RAPGEF4: variants seen among roughly 807,000 people sequenced by gnomAD.
RAPGEF4 encodes the protein RAP guanine-nucleotide-exchange factor (GEF) 4.
Under a neutral mutation model 147.9 loss-of-function variants are expected in RAPGEF4, and 66 were observed. That is an observed-to-expected ratio of 0.45 (90% CI 0.37 to 0.55). The LOEUF (loss-of-function observed/expected upper bound fraction) is 0.55. Ranked by LOEUF, RAPGEF4 falls within the 20% of genes least tolerant of loss-of-function variation. RAPGEF4 has a pLI of 0.00. For synonymous variants in RAPGEF4, 419 were observed against 442.7 expected (o/e 0.95, Z 0.67); for missense variants, 1,071 against 1,257.3 (o/e 0.85, Z 2.24).
chr2:172,779,138 G>T (rs949603554), intron 1 of RAPGEF4, among the ~76,000 whole-genome samples: 1 of 152,044 alleles, frequency 6.6e-6, no homozygotes, highest in East Asian at 1.9e-4. Context: ...CATTGTTCTC[G>T]GTACTGGAGA....
At chr2:173,023,661 G>T (rs1696338154) in intron 23 of RAPGEF4, among the ~76,000 whole-genome samples, 1 of 152,230 alleles carries the variant, frequency 6.6e-6, no homozygotes, top group Non-Finnish European at 1.5e-5. Context: ...GGTTGCAGGA[G>T]TGATAGACCA....
At chr2:172,979,630 C>T (rs1691465084) in intron 10 of RAPGEF4, among the ~76,000 whole-genome samples, 1 of 152,198 alleles carries the variant, frequency 6.6e-6, no homozygotes, top group Non-Finnish European at 1.5e-5. Flanking sequence ...TTGAGAAGAA[C>T]AGTCTAGATT....
chr2:172,946,934 A>C (rs1249256592), intron 6 of RAPGEF4, among the ~76,000 whole-genome samples: 1 of 152,178 alleles, frequency 6.6e-6, no homozygotes, highest in Non-Finnish European at 1.5e-5. Flanking sequence ...CTGACTGTTC[A>C]TTACCTTAAC....
intron 1 of RAPGEF4, among the ~76,000 whole-genome samples, chr2:172,751,113 T>A (rs756766358): frequency 2.6e-5 from 4 of 152,264 alleles, no homozygotes; most frequent in Non-Finnish European, 4.4e-5. Context: ...TTTGTCACTC[T>A]TCTACCTGCC....
chr2:172,964,961 A>G (rs1456445424), intron 8 of RAPGEF4, among the ~76,000 whole-genome samples: 1 of 152,220 alleles, frequency 6.6e-6, no homozygotes, highest in East Asian at 1.9e-4. Flanking sequence ...TTCAGATGAC[A>G]GGCTCTGGAG....
chr2:172,776,629 T>TTTCTTTTCTC (rs1173696580), intron 1 of RAPGEF4, among the ~76,000 whole-genome samples: 1 of 152,186 alleles, frequency 6.6e-6, no homozygotes, highest in Non-Finnish European at 1.5e-5. Context: ...TTTTAATCCT[T>TTTCTTTTCTC]TTCTTTTCTC....
At chr2:172,960,922 T>C in intron 7 of RAPGEF4, 109 bp downstream of exon 7, 1 of 984,260 alleles carries the variant, frequency 1.0e-6, no homozygotes, top group Non-Finnish European at 1.5e-6. Context: ...ATACATTTTC[T>C]AGAGACAGGA....
chr2:172,794,233 G>C lies in RAPGEF4; in HGVS notation c.66-792G>C, dbSNP rs1686120313. Reference sequence around the variant, plus strand: ...TCTCTACTAAAAATACAAAAAATTAGTTGGATGTAGTAGCGGGCGGCTGTA... The same window carrying C: ...TCTCTACTAAAAATACAAAAAATTACTTGGATGTAGTAGCGGGCGGCTGTA... On this transcript the variant is annotated intron_variant, in intron 1 of 30. Transcript: ENST00000397081. Among the ~76,000 whole-genome samples, 5 of 150,788 alleles carry C rather than the reference G, an allele frequency of 3.3e-5. 1 individual carries two copies. The South Asian group carries it at 1.0e-3, about 32-fold the overall frequency.
intron 4 of RAPGEF4, among the ~76,000 whole-genome samples, chr2:172,840,883 C>T (rs1293748229): frequency 6.6e-6 from 1 of 152,202 alleles, no homozygotes; most frequent in Non-Finnish European, 1.5e-5. Context: ...CCTAAGGCCA[C>T]CATGCTGGGC....
chr2:173,006,652 T>G (rs1694511220), intron 17 of RAPGEF4, among the ~76,000 whole-genome samples: 2 of 152,246 alleles, frequency 1.3e-5, no homozygotes, highest in Non-Finnish European at 2.9e-5. Flanking sequence ...CTTTGTGAAA[T>G]TGATCTGGAG....
chr2:172,867,651 A>G (rs72908226), intron 4 of RAPGEF4, among the ~76,000 whole-genome samples: 2,393 of 152,314 alleles, frequency 0.016, 23 homozygotes, highest in South Asian at 0.035. Flanking sequence ...GAGTAAATGG[A>G]TTTATGATTG....
chr2:173,019,763 A>AC (rs1182170567), intron 22 of RAPGEF4, among the ~76,000 whole-genome samples: 1 of 152,118 alleles, frequency 6.6e-6, no homozygotes, highest in Non-Finnish European at 1.5e-5. Flanking sequence ...CCCAGGTCTC[A>AC]CCCTCACTTT....
chr2:173,043,943 T>C (rs1041481201), intron 29 of RAPGEF4, among the ~76,000 whole-genome samples: 4 of 152,102 alleles, frequency 2.6e-5, no homozygotes, highest in Admixed American at 6.5e-5. Flanking sequence ...GACCCCTAAA[T>C]TGGGGCTCAG....
Position 172,828,946 on chromosome 2 carries a change from G to T in RAPGEF4, c.444+14521G>T, listed in dbSNP as rs73977706. On this transcript the variant is annotated intron_variant, in intron 4 of 30. Coordinates refer to ENST00000397081, the MANE Select transcript of RAPGEF4 (RefSeq NM_007023.4). ...CTCCTGAGGAGATGACGATCCAGAT[G>T]ATCAAAGAGAAAGTGACTCTAGGAA... 3.7e-3 allele frequency among the ~76,000 whole-genome samples: 564 copies of T among 152,298 alleles called. 5 individuals carry two copies. The highest frequency in any genetic ancestry group is 0.013 in the African/African-American group (530 of 41,548).
intron 4 of RAPGEF4, among the ~76,000 whole-genome samples, chr2:172,890,552 A>G (rs760092026): frequency 1.3e-5 from 2 of 152,202 alleles, no homozygotes; most frequent in Non-Finnish European, 2.9e-5. Flanking sequence ...AACTTCATCC[A>G]TTAAGACTTC....
intron 3 of RAPGEF4, among the ~76,000 whole-genome samples, chr2:172,808,401 A>G (rs1687707843): frequency 6.6e-6 from 1 of 152,226 alleles, no homozygotes; most frequent in Admixed American, 6.5e-5. Flanking sequence ...TTTGCAGATC[A>G]TTCAATCCAC....
intron 4 of RAPGEF4, among the ~76,000 whole-genome samples, chr2:172,870,841 T>A (rs1400449751): frequency 2.0e-5 from 3 of 152,236 alleles, no homozygotes; most frequent in African/African-American, 7.2e-5. Context: ...AAATACAGAC[T>A]ATGGATTTTG....
At chr2:172,893,951 G>C (rs942700365) in intron 4 of RAPGEF4, 3 of 152,786 alleles carry the variant, frequency 2.0e-5, no homozygotes, top group Admixed American at 6.5e-5. Flanking sequence ...TTAGATCCAA[G>C]CTAGCAGAAA....
intron 4 of RAPGEF4, among the ~76,000 whole-genome samples, chr2:172,914,619 A>C (rs1447944668): frequency 7.2e-6 from 1 of 139,252 alleles, no homozygotes; most frequent in East Asian, 1.9e-4. Context: ...AGAGAAAGAG[A>C]GAGAAAGAGA....
Sources: gnomAD v4.1 joint callset for allele counts (sites outside exome capture counted in the v4.1 genomes callset) on GRCh38, gnomAD v4.1.1 for gene constraint, MANE v1.5 for transcripts, NCBI Gene and HGNC (gene_info 2026-07-23, HGNC 2026-07-21) for gene names.